The following ZNF782 variants were observed in gnomAD, a reference collection of about 807,000 sequenced individuals.
ZNF782 encodes zinc finger protein 782.
ZNF782 carries 12 observed loss-of-function variants against 13.0 expected under a neutral mutation model. The observed-to-expected ratio is 0.92, with a 90% CI of 0.59 to 1.50. The LOEUF (loss-of-function observed/expected upper bound fraction) is 1.50, where lower values mean the gene tolerates loss of function less well. Among genes scored for constraint, ZNF782 ranks in the 40% most tolerant of loss-of-function variants. The pLI is 0.00. For synonymous variants in ZNF782, 284 were observed against 283.0 expected (o/e 1.00, Z -0.04); for missense variants, 770 against 822.9 (o/e 0.94, Z 0.79).
chr9:96,872,066 T>A (rs568801780), intron 1 of ZNF782, among the ~76,000 whole-genome samples: 1 of 152,336 alleles, frequency 6.6e-6, no homozygotes, highest in South Asian at 2.1e-4. Context: ...ATATTTTATG[T>A]CCATAAACCT....
chr9:96,907,447 T>C, the ZNF782 span, among the ~76,000 whole-genome samples: 4 of 152,260 alleles, frequency 2.6e-5, no homozygotes, highest in Admixed American at 1.3e-4. Context: ...TATTAAACCA[T>C]ACTGAACTGT....
At chr9:96,916,248 T>C in the ZNF782 span, among the ~76,000 whole-genome samples, 2 of 151,884 alleles carry the variant, frequency 1.3e-5, no homozygotes, top group Non-Finnish European at 2.9e-5. Context: ...TCCCAGCACT[T>C]TGGAGACTAA....
chr9:96,915,985 T>C, the ZNF782 span, among the ~76,000 whole-genome samples: 1 of 150,844 alleles, frequency 6.6e-6, no homozygotes, highest in South Asian at 2.1e-4. Context: ...TCCCTTGCAT[T>C]GGAGAAGTTT....
rs1299599352 is a variant in ZNF782 at position 96,819,118 on chromosome 9, T to C, written c.905A>G (p.Glu302Gly). The change falls in exon 6 of 6, where the codon GAA (glutamate) becomes GGA (glycine). Residue 302 changes from glutamate to glycine, a missense_variant. Coordinates refer to ENST00000481138, the MANE Select transcript of ZNF782 (RefSeq NM_001001662.3). ...KSFSQKSHIR[E>G]HHRVHIGVKP... is the part of the protein sequence containing the mutation. Reference sequence around the variant, plus strand: ...CACCCCTATATGAACTCTATGATGTTCTCTAATGTGTGACTTTTGGCTGAA... The same window carrying C: ...CACCCCTATATGAACTCTATGATGTCCTCTAATGTGTGACTTTTGGCTGAA... 2.5e-6 allele frequency: 4 copies of C among 1,613,924 alleles called. No individual in the cohort carries two copies. The highest frequency in any genetic ancestry group is 1.1e-5 in the South Asian group (1 of 91,032).
At chr9:96,881,283 A>T in the ZNF782 span, among the ~76,000 whole-genome samples, 1 of 150,838 alleles carries the variant, frequency 6.6e-6, no homozygotes, top group African/African-American at 2.4e-5. Context: ...TATCTTTATC[A>T]TTTCCTTTCT....
chr9:96,897,105 C>T, the ZNF782 span, among the ~76,000 whole-genome samples: 1 of 152,220 alleles, frequency 6.6e-6, no homozygotes, highest in Admixed American at 6.5e-5. Flanking sequence ...AGTTGGTCCT[C>T]TGTATCCTCT....
chr9:96,819,803 C>T, intron 5 of ZNF782, 25 bp from the exon 6 acceptor site: 5 of 1,521,652 alleles, frequency 3.3e-6, no homozygotes, highest in Non-Finnish European at 3.5e-6. Flanking sequence ...ATTAAACAAA[C>T]TTTATGATAT....
At chr9:96,825,211 T>C (rs1182930474) in intron 5 of ZNF782, among the ~76,000 whole-genome samples, 2 of 151,262 alleles carry the variant, frequency 1.3e-5, no homozygotes, top group Non-Finnish European at 2.9e-5. Context: ...AACAGAGATA[T>C]AGATCAATGG....
At chr9:96,909,958 C>A in the ZNF782 span, 3 of 437,824 alleles carry the variant, frequency 6.9e-6, no homozygotes, top group African/African-American at 2.1e-5. Context: ...TGTTCCTTGT[C>A]CAGCTCCTTG....
intron 5 of ZNF782, among the ~76,000 whole-genome samples, chr9:96,823,064 T>A (rs1850480451): frequency 6.6e-6 from 1 of 152,232 alleles, no homozygotes; most frequent in African/African-American, 2.4e-5. Flanking sequence ...TTTTATAAAA[T>A]ATGTTATTTA....
the ZNF782 span, chr9:96,892,073 CA>C: frequency 2.6e-5 from 4 of 152,136 alleles, no homozygotes; most frequent in Non-Finnish European, 5.9e-5. Flanking sequence ...GTGGGGCAAT[CA>C]GGGGGGCTAT....
At chr9:96,931,916 C>A in the ZNF782 span, 2 of 1,612,118 alleles carry the variant, frequency 1.2e-6, no homozygotes, top group Admixed American at 3.3e-5. Context: ...ACAGGATGGC[C>A]GCGGCCCAAG....
At chr9:96,859,775 GAC>G (rs769165020) in intron 3 of ZNF782, among the ~76,000 whole-genome samples, 4 of 152,320 alleles carry the variant, frequency 2.6e-5, no homozygotes, top group South Asian at 2.1e-4. Flanking sequence ...CTGGAGCTTA[GAC>G]ACCAGCTCAG....
At chr9:96,865,875 G>A (rs1445528483) in intron 1 of ZNF782, among the ~76,000 whole-genome samples, 2 of 152,180 alleles carry the variant, frequency 1.3e-5, no homozygotes, top group African/African-American at 4.8e-5. Context: ...GAGACTGGCA[G>A]TATTTTCGCC....
At chr9:96,852,057 T>G in intron 2 of ZNF782, 52 bp from the exon 3 acceptor site, 12 of 1,237,748 alleles carry the variant, frequency 9.7e-6, no homozygotes, top group Non-Finnish European at 1.3e-5. Flanking sequence ...TCACAGCTCC[T>G]AGATTAGCCT....
At chr9:96,933,165 A>G in the ZNF782 span, among the ~76,000 whole-genome samples, 1 of 148,354 alleles carries the variant, frequency 6.7e-6, no homozygotes, top group East Asian at 2.0e-4. Flanking sequence ...TTTTTAGTAG[A>G]GACGGGGTTT....
At chr9:96,892,143 A>G in the ZNF782 span, 2 of 152,292 alleles carry the variant, frequency 1.3e-5, no homozygotes, top group African/African-American at 4.8e-5. Flanking sequence ...AGCTGTCATG[A>G]TAGAACACTG....
chr9:96,819,898 TCAA>T (rs1850350504), intron 5 of ZNF782, 120 bp from the exon 6 acceptor site: 3 of 839,100 alleles, frequency 3.6e-6, no homozygotes, highest in Admixed American at 8.2e-5. Flanking sequence ...GCTCAGTTTC[TCAA>T]CAATAAAGTA....
chr9:96,892,975 G>C, the ZNF782 span: 1 of 151,866 alleles, frequency 6.6e-6, no homozygotes, highest in South Asian at 2.1e-4. Context: ...GTTTCAGACA[G>C]TGACTCTCAT....
Sources: gnomAD v4.1 joint callset for allele counts (sites outside exome capture counted in the v4.1 genomes callset) on GRCh38, gnomAD v4.1.1 for gene constraint, MANE v1.5 for transcripts, NCBI Gene and HGNC (gene_info 2026-07-23, HGNC 2026-07-21) for gene names.